The following NDUFV3 variants were observed in gnomAD, a reference collection of about 807,000 sequenced individuals.
NDUFV3 encodes the protein NADH dehydrogenase [ubiquinone] flavoprotein 3, mitochondrial.
Under a neutral mutation model 37.5 loss-of-function variants are expected in NDUFV3, and 44 were observed. The ratio of observed to expected loss-of-function variants is 1.17; its 90% confidence interval spans 0.92 to 1.51. NDUFV3 has a LOEUF of 1.51. Among genes scored for constraint, NDUFV3 ranks in the 40% most tolerant of loss-of-function variants. NDUFV3 has a pLI of 0.00. For synonymous variants in NDUFV3, 235 were observed against 239.3 expected (o/e 0.98, Z 0.17); for missense variants, 580 against 580.4 (o/e 1.00, Z 0.01).
chr21:42,903,965 C>G lies in NDUFV3; in HGVS notation c.953C>G (p.Ala318Gly). ...GCTGTGTTGGCAGAAGAGGCCAGAG[C>G]AGAGGGGCAGCTGCAAGCCAGTCCT... is the stretch of plus-strand genomic sequence containing the variant. ...APAVLAEEAR[A>G]EGQLQASPPG... The change falls in exon 3 of 4, where the codon GCA (alanine) becomes GGA (glycine). Residue 318 changes from alanine (A) to glycine (G), a missense_variant. Ala to Gly is a moderately conservative substitution (Grantham distance 60, BLOSUM62 0). Transcript: ENST00000354250. 2 of 1,613,992 alleles carry G rather than the reference C, an allele frequency of 1.2e-6. No homozygotes were observed. The highest frequency in any genetic ancestry group is 8.5e-7 in the Non-Finnish European group (1 of 1,179,978).
rs1314510390 is a variant in NDUFV3 at position 42,909,424 on chromosome 21, G to A, written c.*403G>A. ...CCCAAAGTGCTGGGATTACAGGCGT[G>A]AGCCACTGCGCCCGGCCACTTTCAC... On this transcript the variant is annotated 3_prime_UTR_variant, in exon 4 of 4. Transcript: ENST00000354250. 4.3e-5 allele frequency: 12 copies of A among 278,082 alleles called. No homozygotes were observed. The highest frequency in any genetic ancestry group is 8.5e-5 in the Non-Finnish European group (12 of 140,976). The allele number at this position is 278,082 out of a possible 1,614,324, so 17.2% of individuals were successfully genotyped here.
chr21:42,895,211 G>A (rs1028539546), intron 1 of NDUFV3, among the ~76,000 whole-genome samples: 6 of 152,044 alleles, frequency 3.9e-5, no homozygotes, highest in African/African-American at 2.4e-5. Context: ...AGCCAAGCGC[G>A]GTAGCTCACA....
chr21:42,903,535 C>G lies in NDUFV3; in HGVS notation c.523C>G (p.Pro175Ala). Reference sequence around the variant, plus strand: ...TGAGGCTGACGTTTCAGAGGTCACTCCTCGAGTGGTGAGCAAAGGCAGAGG... The same window carrying G: ...TGAGGCTGACGTTTCAGAGGTCACTGCTCGAGTGGTGAGCAAAGGCAGAGG... Reference protein sequence around the residue: ...DDEADVSEVTPRVVSKGRGGL... With the variant: ...DDEADVSEVTARVVSKGRGGL... The change falls in exon 3 of 4, where the codon CCT becomes GCT. Residue 175 changes from proline (P) to alanine (A), a missense_variant. Physicochemically the swap from Pro to Ala is conservative, Grantham distance 27 (BLOSUM62 -1). Transcript: ENST00000354250. 1 of 1,614,114 alleles carries G rather than the reference C, an allele frequency of 6.2e-7. No individual in the cohort carries two copies. The highest frequency in any genetic ancestry group is 1.1e-5 in the South Asian group (1 of 91,078).
rs1275961362 is a variant in NDUFV3, at chr21:42,903,324, C to T, written c.312C>T (p.Ser104=). The T allele has an allele frequency of 9.9e-6, 16 of 1,614,166 alleles. No individual in the cohort carries two copies. Among genetic ancestry groups the T allele is most frequent in the Middle Eastern group, 1.6e-4 (1 of 6,062 alleles). The part of the protein sequence containing the change: ...RKVASPSPSG[S]VLFTDEGVPK... ...TAGCTAGTCCCAGTCCCAGTGGCAG[C>T]GTGCTATTCACAGATGAAGGGGTTC... is the stretch of plus-strand genomic sequence containing the variant. Residue 104 remains serine, a synonymous_variant, in exon 3 of 4, where the codon AGC becomes AGT. Transcript: ENST00000354250.
chr21:42,903,753 C>T lies in NDUFV3; in HGVS notation c.741C>T (p.Thr247=). Residue 247 remains threonine (T), a synonymous_variant, in exon 3 of 4, where the codon ACC becomes ACT. Coordinates refer to ENST00000354250, the MANE Select transcript of NDUFV3 (RefSeq NM_021075.4). The part of the protein sequence containing the change: ...SEGRENARPK[T]TMPRSQVDEE... Reference sequence around the variant, plus strand: ...GCAGGGAAAATGCGAGACCAAAAACCACAATGCCCAGATCTCAAGTAGATG... The same window carrying T: ...GCAGGGAAAATGCGAGACCAAAAACTACAATGCCCAGATCTCAAGTAGATG... 6.2e-7 allele frequency: 1 copy of T among 1,614,158 alleles called. No individual in the cohort carries two copies. Among genetic ancestry groups the T allele is most frequent in the Non-Finnish European group, 8.5e-7 (1 of 1,180,032 alleles).
chr21:42,901,651 A>C (rs1456937242), intron 2 of NDUFV3, among the ~76,000 whole-genome samples: 1 of 152,050 alleles, frequency 6.6e-6, no homozygotes, highest in African/African-American at 2.4e-5. Context: ...TATAACAAGC[A>C]GTGCCAGGCA....
At chr21:42,894,861 G>A (rs921289658) in intron 1 of NDUFV3, among the ~76,000 whole-genome samples, 7 of 151,886 alleles carry the variant, frequency 4.6e-5, no homozygotes, top group African/African-American at 1.7e-4. Context: ...AGGCACCTCT[G>A]TTCTGTATCC....
chr21:42,910,586 G>A lies in NDUFV3; in HGVS notation c.*1565G>A, dbSNP rs187797316. ...TGAAGTTTCGTGCAGTACAGGGACG[G>A]AGTAGGAAGAGGTGAAGTTTCGTGC... is the stretch of plus-strand genomic sequence containing the variant. On this transcript the variant is annotated 3_prime_UTR_variant, in exon 4 of 4. Transcript: ENST00000354250. 25 of 142,988 alleles carry A rather than the reference G, an allele frequency of 1.7e-4. No individual in the cohort carries two copies. Among genetic ancestry groups the A allele is most frequent in the East Asian group, 7.3e-4 (3 of 4,102 alleles). The allele number at this position is 142,988 out of a possible 1,614,324, so 8.9% of individuals were successfully genotyped here.
chr21:42,902,330 G>A (rs1229040808), intron 2 of NDUFV3, among the ~76,000 whole-genome samples: 1 of 152,172 alleles, frequency 6.6e-6, no homozygotes, highest in East Asian at 1.9e-4. Context: ...ATTCTCTAAT[G>A]TAATGTTTAA....
intron 3 of NDUFV3, among the ~76,000 whole-genome samples, chr21:42,908,271 G>T (rs1331767429): frequency 6.6e-6 from 1 of 151,752 alleles, no homozygotes; most frequent in Non-Finnish European, 1.5e-5. Context: ...TCGCACCGCT[G>T]CACTCCAGCC....
chr21:42,896,787 C>A, intron 1 of NDUFV3, 140 bp from the exon 2 acceptor site: 1 of 772,354 alleles, frequency 1.3e-6, no homozygotes, highest in South Asian at 2.0e-5. Context: ...TGCAGTGAGC[C>A]ATGATTGTGC....
rs1426629245 is a variant in NDUFV3 at position 42,904,266 on chromosome 21, C to T, written c.1254C>T (p.Gly418=). ...EDAAAPGDDR[G]GTQEPAPVPA... The stretch of plus-strand genomic sequence containing the variant: ...CAGCCGCGCCAGGGGACGACCGAGG[C>T]GGCACACAGGGTATACCTTGACTCG... The change falls in exon 3 of 4, where the codon GGC becomes GGT. Residue 418 remains glycine (G), a synonymous_variant. Transcript: ENST00000354250. 1.6e-5 allele frequency: 26 copies of T among 1,597,164 alleles called. No individual in the cohort carries two copies. The highest frequency in any genetic ancestry group is 1.2e-4 in the South Asian group (11 of 89,036).
At chr21:42,904,400 C>CTGTA in intron 3 of NDUFV3, 124 bp downstream of exon 3, 1 of 1,305,964 alleles carries the variant, frequency 7.7e-7, no homozygotes, top group Non-Finnish European at 1.1e-6. Context: ...GAAATATGGC[C>CTGTA]TGTAACGCTG....
intron 3 of NDUFV3, among the ~76,000 whole-genome samples, chr21:42,905,892 C>T (rs1342546595): frequency 1.4e-4 from 20 of 141,652 alleles, no homozygotes; most frequent in Non-Finnish European, 2.6e-4. Context: ...GAGATGGAAT[C>T]TCACTCTGTC....
At chr21:42,902,568 A>G (rs1318804423) in intron 2 of NDUFV3, among the ~76,000 whole-genome samples, 1 of 152,226 alleles carries the variant, frequency 6.6e-6, no homozygotes, top group African/African-American at 2.4e-5. Flanking sequence ...GGAAGCAACA[A>G]GGCGAATTCC....
chr21:42,903,838 GA>G lies in NDUFV3; in HGVS notation c.829del (p.Ile277Ter). The G allele has an allele frequency of 1.2e-6, 2 of 1,613,508 alleles. No homozygotes were observed. The highest frequency in any genetic ancestry group is 1.7e-6 in the Non-Finnish European group (2 of 1,179,930). ...ATTGCAGAAAACATTTAGATTAAAT[GA>G]AATAGATAAAGAAAGCCAAAAGCCA... is the stretch of plus-strand genomic sequence containing the variant. ...KQLQKTFRLN[E>X]IDKESQKPFE... On this transcript the variant is annotated frameshift_variant, in exon 3 of 4. Coordinates refer to ENST00000354250, the MANE Select transcript of NDUFV3 (RefSeq NM_021075.4). LOFTEE classifies it high-confidence loss of function.
In NDUFV3 at chr21:42,904,222, G is replaced by T; in HGVS notation, c.1210G>T (p.Gly404Cys). 2 of 1,613,370 alleles carry T rather than the reference G, an allele frequency of 1.2e-6. No individual in the cohort carries two copies. The highest frequency in any genetic ancestry group is 8.5e-7 in the Non-Finnish European group (1 of 1,179,686). ...KTAALKLEAE[G>C]EAMEDAAAPG... ...AGCAGCGCTGAAGCTTGAGGCCGAG[G>T]GCGAGGCCATGGAAGATGCAGCCGC... Residue 404 changes from glycine (G) to cysteine (C), a missense_variant, in exon 3 of 4, where the codon GGC becomes TGC. By Grantham distance (159) the Gly-to-Cys change is radical. Transcript: ENST00000354250.
intron 2 of NDUFV3, among the ~76,000 whole-genome samples, chr21:42,901,747 G>C (rs1463479480): frequency 6.6e-6 from 1 of 152,170 alleles, no homozygotes; most frequent in African/African-American, 2.4e-5. Context: ...CCATGTCATA[G>C]ACAAGGAAGT....
intron 2 of NDUFV3, among the ~76,000 whole-genome samples, chr21:42,898,705 A>G (rs886936004): frequency 5.3e-5 from 8 of 152,138 alleles, no homozygotes; most frequent in African/African-American, 1.9e-4. Flanking sequence ...TCCTGGGCTC[A>G]AGCAATCTCC....
Sources: gnomAD v4.1 joint callset for allele counts (sites outside exome capture counted in the v4.1 genomes callset) on GRCh38, gnomAD v4.1.1 for gene constraint, MANE v1.5 for transcripts, NCBI Gene and HGNC (gene_info 2026-07-23, HGNC 2026-07-21) for gene names.